The following ARHGAP39 variants were observed in gnomAD, a reference collection of about 807,000 sequenced individuals.
The protein encoded by ARHGAP39 is Rho GTPase activating protein 39.
Under a neutral mutation model 106.9 loss-of-function variants are expected in ARHGAP39, and 44 were observed. That is an observed-to-expected ratio of 0.41 (90% CI 0.32 to 0.53). The LOEUF (loss-of-function observed/expected upper bound fraction) is 0.53. ARHGAP39 is among the 20% of genes least tolerant of loss of function. The pLI is 0.21. For synonymous variants in ARHGAP39, 768 were observed against 693.2 expected (o/e 1.11, Z -1.69); for missense variants, 1,496 against 1,577.3 (o/e 0.95, Z 0.87).
intron 9 of ARHGAP39, among the ~76,000 whole-genome samples, chr8:144,532,619 G>A (rs1479476500): frequency 6.6e-6 from 1 of 152,180 alleles, no homozygotes; most frequent in Non-Finnish European, 1.5e-5. Flanking sequence ...GCTTCCCCAG[G>A]CCACCGTCCC....
chr8:144,531,066 G>C (rs964117170), intron 10 of ARHGAP39, among the ~76,000 whole-genome samples, 195 bp from the exon 11 acceptor site: 2 of 152,246 alleles, frequency 1.3e-5, no homozygotes, highest in African/African-American at 2.4e-5. Context: ...GCCTGAACTC[G>C]ATCCTGGAGG....
chr8:144,616,816 A>T (rs932281546), intron 1 of ARHGAP39, among the ~76,000 whole-genome samples: 1 of 152,250 alleles, frequency 6.6e-6, no homozygotes, highest in Non-Finnish European at 1.5e-5. Flanking sequence ...TTAAAAAATG[A>T]TTGTTTAAAA....
the ARHGAP39 span, among the ~76,000 whole-genome samples, chr8:144,696,460 A>G: frequency 3.5e-4 from 54 of 152,178 alleles, no homozygotes; most frequent in Non-Finnish European, 4.4e-4. Flanking sequence ...AAATTTGTCT[A>G]TCAATTTCAT....
chr8:144,602,610 A>C (rs1413097447), intron 2 of ARHGAP39, among the ~76,000 whole-genome samples: 2 of 105,800 alleles, frequency 1.9e-5, no homozygotes, highest in Non-Finnish European at 3.7e-5. Context: ...GTGCGAGCTC[A>C]TGTACCTGTG....
chr8:144,532,357 C>A lies in ARHGAP39; in HGVS notation c.2928G>T (p.Leu976=). 1 of 1,612,390 alleles carries A rather than the reference C, an allele frequency of 6.2e-7. No homozygotes were observed. The highest frequency in any genetic ancestry group is 1.3e-5 in the African/African-American group (1 of 74,798). The change falls in exon 10 of 12, where the codon CTG becomes CTT. Residue 976 remains leucine, a synonymous_variant. Transcript: ENST00000377307. The part of the protein sequence containing the change: ...GDIDEVNALK[L]QVDQWKVPTG... ...TGGGCACCTTCCACTGGTCCACCTG[C>A]AGCTTCAGGGCATTCACCTCGTCAA...
In ARHGAP39 at chr8:144,581,339, C is replaced by T. The variant is rs1818983874; in HGVS notation, c.81-62G>A. 2.7e-6 allele frequency: 4 copies of T among 1,455,294 alleles called. No homozygotes were observed. The African/African-American group carries it at 5.6e-5, about 21-fold the overall frequency. The allele number at this position is 1,455,294 out of a possible 1,614,324, so 90.1% of individuals were successfully genotyped here. A position where few individuals can be genotyped will look rare whatever the true frequency, so the allele number is the denominator to read the frequency against. ...GCGGCCTGGGCCCGCGCCTCCCACC[C>T]CTGCAGACCCCGGCTCCAGCCCCAG... is the stretch of plus-strand genomic sequence containing the variant. On this transcript the variant is annotated intron_variant, in intron 2 of 11. Transcript: ENST00000377307.
At chr8:144,603,126 T>G (rs1264794746) in intron 2 of ARHGAP39, among the ~76,000 whole-genome samples, 1 of 145,764 alleles carries the variant, frequency 6.9e-6, no homozygotes, top group African/African-American at 2.6e-5. Flanking sequence ...GAGGCGTGTG[T>G]GTGCTGGTGT....
chr8:144,695,620 G>C, the ARHGAP39 span, among the ~76,000 whole-genome samples: 2 of 152,120 alleles, frequency 1.3e-5, no homozygotes, highest in Admixed American at 1.3e-4. Context: ...AAGTTCTCTC[G>C]GCCTTGAAGA....
intron 1 of ARHGAP39, among the ~76,000 whole-genome samples, chr8:144,685,024 C>T (rs1822542053): frequency 6.6e-6 from 1 of 152,194 alleles, no homozygotes; most frequent in South Asian, 2.1e-4. Flanking sequence ...CGACGGCGCC[C>T]GGGAATGCGG....
intron 1 of ARHGAP39, among the ~76,000 whole-genome samples, chr8:144,627,778 A>G (rs185902804): frequency 6.6e-6 from 1 of 152,106 alleles, no homozygotes; most frequent in Admixed American, 6.5e-5. Flanking sequence ...AACAAAACAA[A>G]ACAAAGCAGC....
intron 4 of ARHGAP39, among the ~76,000 whole-genome samples, chr8:144,549,977 TA>T (rs1312762485): frequency 3.9e-5 from 6 of 152,134 alleles, no homozygotes; most frequent in African/African-American, 1.4e-4. Context: ...CGAGGTAGCT[TA>T]AAAATAGGGA....
chr8:144,613,780 G>T (rs1230764790), intron 1 of ARHGAP39, among the ~76,000 whole-genome samples: 1 of 152,178 alleles, frequency 6.6e-6, no homozygotes, highest in Non-Finnish European at 1.5e-5. Context: ...AAAAAAGAAA[G>T]ATGGTCAGAT....
chr8:144,581,412 A>AGTCCGCC, intron 2 of ARHGAP39, 135 bp from the exon 3 acceptor site: 1 of 1,034,272 alleles, frequency 9.7e-7, no homozygotes, highest in Non-Finnish European at 1.4e-6. Flanking sequence ...ACCCAAGCCC[A>AGTCCGCC]GTCCGCCCCT....
At position 144,548,466 on chromosome 8, in the gene ARHGAP39, G is replaced by A. The variant is rs777655506; in HGVS notation, c.620C>T (p.Ser207Leu). 1.9e-6 allele frequency: 3 copies of A among 1,610,126 alleles called. No individual in the cohort carries two copies. The highest frequency in any genetic ancestry group is 1.7e-5 in the Admixed American group (1 of 59,916). Residue 207 changes from serine to leucine, a missense_variant, in exon 5 of 12, where the codon TCG (serine) becomes TTG (leucine). Ser to Leu is a moderately radical substitution (Grantham distance 145). This residue lies in a region of ARHGAP39 where 905 missense variants were observed against 816.4 expected (regional missense o/e 1.11). Transcript: ENST00000377307. The surrounding 1 kb of genome is among the most constrained non-coding windows in gnomAD (Gnocchi z 7.4). ...HYRTSSLRWN[S>L]GAKERMLIKV... Reference sequence around the variant, plus strand: ...GATGAGCATGCGCTCTTTGGCGCCCGAGTTCCACCGCAGCGAGGAGGTCCT... The same window carrying A: ...GATGAGCATGCGCTCTTTGGCGCCCAAGTTCCACCGCAGCGAGGAGGTCCT...
Position 144,547,681 on chromosome 8 carries a change from G to T in ARHGAP39, c.1405C>A (p.Gln469Lys), listed in dbSNP as rs1220899512. 1.3e-6 allele frequency: 2 copies of T among 1,575,684 alleles called. No homozygotes were observed. The highest frequency in any genetic ancestry group is 3.6e-5 in the Admixed American group (2 of 56,120). Residue 469 changes from glutamine to lysine, a missense_variant, in exon 5 of 12, where the codon CAG (glutamine) becomes AAG (lysine). Gln to Lys is a moderately conservative substitution (Grantham distance 53). Coordinates refer to ENST00000377307, the MANE Select transcript of ARHGAP39 (RefSeq NM_025251.3). This position sits in a 1 kb window ranked among gnomAD's most constrained non-coding sequence, Gnocchi z 5.2. ...CTGGACCAGGACATGGCATCCTCCT[G>T]GGCCTGTGGCAGCGGCGTGGGCGGC... The part of the protein sequence containing the change: ...SQPPTPLPQA[Q>K]EDAMSWSSQQ...
Position 144,644,107 on chromosome 8 carries a change from C to T in ARHGAP39, c.-81-38412G>A, listed in dbSNP as rs1195339346. Among the ~76,000 whole-genome samples, 8 of 152,054 alleles carry T rather than the reference C, an allele frequency of 5.3e-5. No homozygotes were observed. The highest frequency in any genetic ancestry group is 7.4e-5 in the Non-Finnish European group (5 of 68,026). ...GAAGTCACAAATGCACAGTGAGACC[C>T]GGACACGCACATTCCCGGCAGCACC... On this transcript the variant is annotated intron_variant, in intron 1 of 11. Coordinates refer to ENST00000377307, the MANE Select transcript of ARHGAP39 (RefSeq NM_025251.3). The surrounding 1 kb of genome is among the most constrained non-coding windows in gnomAD (Gnocchi z 4.8).
chr8:144,698,001 C>T, the ARHGAP39 span, among the ~76,000 whole-genome samples: 1 of 152,074 alleles, frequency 6.6e-6, no homozygotes, highest in African/African-American at 2.4e-5. Context: ...ATCATTTTGG[C>T]GTGTTAAGCT....
intron 2 of ARHGAP39, among the ~76,000 whole-genome samples, chr8:144,600,680 G>A (rs117912638): frequency 0.027 from 4,012 of 146,870 alleles, 88 homozygotes; most frequent in Admixed American, 0.067. Flanking sequence ...GTGTACCTGC[G>A]TGTGCGTGTG....
rs1298590455 is a variant in ARHGAP39, at chr8:144,548,919, C to A, written c.597-430G>T. On this transcript the variant is annotated intron_variant, in intron 4 of 11. Coordinates refer to ENST00000377307, the MANE Select transcript of ARHGAP39 (RefSeq NM_025251.3). This position sits in a 1 kb window ranked among gnomAD's most constrained non-coding sequence, Gnocchi z 7.4. ...CCAGGTGAGCCCAGCAGGAGGAAGG[C>A]ACACCACCAGAATCCCACGGCCCCA... 6.6e-6 allele frequency among the ~76,000 whole-genome samples: 1 copy of A among 152,228 alleles called. No homozygotes were observed. The highest frequency in any genetic ancestry group is 1.5e-5 in the Non-Finnish European group (1 of 68,038).
Sources: gnomAD v4.1 joint callset for allele counts (sites outside exome capture counted in the v4.1 genomes callset) on GRCh38, gnomAD v4.1.1 for gene constraint, gnomAD v4.1.1 regional missense constraint, Gnocchi (gnomAD v3.1) non-coding constraint, MANE v1.5 for transcripts, NCBI Gene and HGNC (gene_info 2026-07-23, HGNC 2026-07-21) for gene names.